The following PRKAA2 variants were observed in gnomAD, a reference collection of about 807,000 sequenced individuals.
PRKAA2 encodes the protein 5'-AMP-activated protein kinase catalytic subunit alpha-2.
Under a neutral mutation model 56.3 loss-of-function variants are expected in PRKAA2, and 40 were observed. The ratio of observed to expected loss-of-function variants is 0.71; its 90% CI spans 0.55 to 0.92. The LOEUF (loss-of-function observed/expected upper bound fraction) is 0.92. PRKAA2 is among the 40% of genes least tolerant of loss of function. The pLI, the probability that PRKAA2 is intolerant of heterozygous loss-of-function variation, is 0.00. For missense variants in PRKAA2, 542 were observed against 686.9 expected, an observed-to-expected ratio of 0.79 and a Z score of 2.36; for synonymous variants, 214 against 234.2, an observed-to-expected ratio of 0.91 and a Z score of 0.79.
rs150679375 is a variant in PRKAA2 at position 56,679,591 on chromosome 1, C to T, written c.236+5069C>T. Reference sequence around the variant, plus strand: ...GTCTGCACTTCTTTTTCCTAAGTGTCCTCTGAATTTATCCATTTTTCTTTG... The same window carrying T: ...GTCTGCACTTCTTTTTCCTAAGTGTTCTCTGAATTTATCCATTTTTCTTTG... On this transcript the variant is annotated intron_variant, in intron 2 of 8. Coordinates refer to ENST00000371244, the MANE Select transcript of PRKAA2 (RefSeq NM_006252.4). Among the ~76,000 whole-genome samples, 17 of 152,192 alleles carry T rather than the reference C, an allele frequency of 1.1e-4. No homozygotes were observed. In the East Asian group the frequency reaches 3.1e-3, roughly 28 times the overall value.
intron 1 of PRKAA2, among the ~76,000 whole-genome samples, chr1:56,651,444 A>G (rs10789038): frequency 0.44 from 66,132 of 151,952 alleles, 14,968 homozygotes; most frequent in Middle Eastern, 0.54. Context: ...CAGATACTTT[A>G]AGTAACTTGT....
intron 2 of PRKAA2, among the ~76,000 whole-genome samples, chr1:56,684,952 AAG>A (rs2100416863): frequency 6.6e-6 from 1 of 152,262 alleles, no homozygotes; most frequent in South Asian, 2.1e-4. Flanking sequence ...ATACAAAAGA[AAG>A]AGGGGCTAAT....
chr1:56,659,640 A>T (rs1211570850), intron 1 of PRKAA2, among the ~76,000 whole-genome samples: 3 of 152,168 alleles, frequency 2.0e-5, no homozygotes, highest in African/African-American at 7.2e-5. Context: ...TTAAAAATAA[A>T]GCAGAGGTGT....
At chr1:56,659,903 G>A (rs2100388866) in intron 1 of PRKAA2, among the ~76,000 whole-genome samples, 1 of 152,228 alleles carries the variant, frequency 6.6e-6, no homozygotes, top group South Asian at 2.1e-4. Context: ...GAGAGACCCT[G>A]TCTCTAAATA....
intron 1 of PRKAA2, among the ~76,000 whole-genome samples, chr1:56,667,742 C>T (rs1040590167): frequency 1.3e-5 from 2 of 152,092 alleles, no homozygotes; most frequent in Admixed American, 1.3e-4. Flanking sequence ...TACACACCTG[C>T]TAAGGTATCC....
intron 3 of PRKAA2, 85 bp from the exon 4 acceptor site, chr1:56,692,273 C>T: frequency 6.6e-7 from 1 of 1,522,288 alleles, no homozygotes; most frequent in Non-Finnish European, 9.0e-7. Context: ...CTCAGGTAAT[C>T]CACCTGCCTT....
rs184600065 is a variant in PRKAA2 at position 56,675,170 on chromosome 1, C to T, written c.236+648C>T. On this transcript the variant is annotated intron_variant, in intron 2 of 8. Transcript: ENST00000371244. ...CTAGAAAATTTAAATATTCATTGTG[C>T]AATAATGTGTTTCTTTCAGTCATTT... is the stretch of plus-strand genomic sequence containing the variant. 1.3e-3 allele frequency among the ~76,000 whole-genome samples: 192 copies of T among 151,046 alleles called. 1 individual carries two copies. Among genetic ancestry groups the T allele is most frequent in the African/African-American group, 4.3e-3 (176 of 40,550 alleles).
At position 56,713,005 on chromosome 1, in the gene PRKAA2, GA is replaced by G. The variant is rs1644379161; in HGVS notation, c.*5294del. The G allele has an allele frequency of 6.6e-6, 1 of 152,060 alleles. No individual in the cohort carries two copies. Among genetic ancestry groups the G allele is most frequent in the Non-Finnish European group, 1.5e-5 (1 of 68,018 alleles). 9.4% of individuals were successfully genotyped at this position (152,060 alleles called of 1,614,324 possible). ...ATTACATGATATAACTATTTTCATA[GA>G]ATATATTTCTAATTTACAAACACTG... On this transcript the variant is annotated 3_prime_UTR_variant, in exon 9 of 9. Transcript: ENST00000371244.
chr1:56,693,542 A>C (rs1325512024), intron 4 of PRKAA2, among the ~76,000 whole-genome samples: 1 of 152,122 alleles, frequency 6.6e-6, no homozygotes, highest in East Asian at 1.9e-4. Context: ...TAGAAAGGAA[A>C]TTTAGTTTCA....
chr1:56,652,750 A>C (rs1643911990), intron 1 of PRKAA2, among the ~76,000 whole-genome samples: 1 of 152,196 alleles, frequency 6.6e-6, no homozygotes, highest in African/African-American at 2.4e-5. Context: ...GATAGATGAC[A>C]CTTGTGGAGA....
intron 6 of PRKAA2, among the ~76,000 whole-genome samples, chr1:56,702,076 T>C (rs562228205): frequency 1.4e-3 from 208 of 152,118 alleles, no homozygotes; most frequent in African/African-American, 4.6e-3. Context: ...CATCATCATT[T>C]TTATCTTTTC....
chr1:56,652,581 G>A (rs1222059787), intron 1 of PRKAA2, among the ~76,000 whole-genome samples: 1 of 152,166 alleles, frequency 6.6e-6, no homozygotes, highest in African/African-American at 2.4e-5. Context: ...ACTACCAGTT[G>A]TCTCACCTTT....
intron 1 of PRKAA2, among the ~76,000 whole-genome samples, chr1:56,665,168 G>A (rs964134418): frequency 6.6e-5 from 10 of 150,864 alleles, no homozygotes; most frequent in East Asian, 2.0e-4. Context: ...CCGCCTCCCC[G>A]GTTCAAACGA....
In PRKAA2 at chr1:56,691,505, T is replaced by C. The variant is rs375939044; in HGVS notation, c.330+18T>C. The C allele has an allele frequency of 2.6e-6, 4 of 1,550,128 alleles. No individual in the cohort carries two copies. In the African/African-American group the frequency reaches 4.1e-5, roughly 16 times the overall value. On this transcript the variant is annotated intron_variant, in intron 3 of 8. Coordinates refer to ENST00000371244, the MANE Select transcript of PRKAA2 (RefSeq NM_006252.4). ...ATGGACGGGTGAGTAACATACTATC[T>C]GGTACACTAAATCTCTAAACTAATA...
intron 5 of PRKAA2, 65 bp from the exon 6 acceptor site, chr1:56,695,870 A>C (rs1268214932): frequency 1.5e-6 from 2 of 1,350,052 alleles, no homozygotes; most frequent in African/African-American, 2.9e-5. Flanking sequence ...TATATATAGA[A>C]GTAGGGTACA....
intron 1 of PRKAA2, among the ~76,000 whole-genome samples, chr1:56,668,684 A>G (rs894797041): frequency 3.9e-5 from 6 of 152,148 alleles, no homozygotes; most frequent in African/African-American, 1.2e-4. Flanking sequence ...TAATATATTA[A>G]AATAGAATGA....
intron 1 of PRKAA2, among the ~76,000 whole-genome samples, chr1:56,651,876 C>G (rs1643901702): frequency 1.3e-5 from 2 of 150,424 alleles, no homozygotes; most frequent in South Asian, 4.2e-4. Context: ...TAGTCTGGCT[C>G]TGTCGCCCAG....
At chr1:56,689,750 C>G (rs909687756) in intron 2 of PRKAA2, among the ~76,000 whole-genome samples, 1 of 151,968 alleles carries the variant, frequency 6.6e-6, no homozygotes, top group South Asian at 2.1e-4. Flanking sequence ...CTAATTTTAA[C>G]GTCTCCAAAA....
chr1:56,655,267 T>TAA (rs61310694), intron 1 of PRKAA2, among the ~76,000 whole-genome samples: 1 of 73,990 alleles, frequency 1.4e-5, no homozygotes, highest in Non-Finnish European at 2.5e-5. Context: ...TATTTATATA[T>TAA]CTATATATAT....
Sources: gnomAD v4.1 joint callset for allele counts (sites outside exome capture counted in the v4.1 genomes callset) on GRCh38, gnomAD v4.1.1 for gene constraint, MANE v1.5 for transcripts, NCBI Gene and HGNC (gene_info 2026-07-23, HGNC 2026-07-21) for gene names.